CAMKMT: variants seen among roughly 807,000 people sequenced by gnomAD.
The protein encoded by CAMKMT is CaM KMT.
A neutral mutation model predicts 48.0 loss-of-function variants in CAMKMT; 53 were observed. That is an observed-to-expected ratio of 1.10 (90% confidence interval 0.89 to 1.39). The LOEUF (loss-of-function observed/expected upper bound fraction) is 1.39, where lower values mean the gene tolerates loss of function less well. Ranked by LOEUF, CAMKMT falls within the 40% of genes most tolerant of loss-of-function variation. The pLI is 0.00. For missense variants in CAMKMT, 428 were observed against 402.7 expected, an observed-to-expected ratio of 1.06 and a Z score of -0.54; for synonymous variants, 165 against 152.3, an observed-to-expected ratio of 1.08 and a Z score of -0.61.
At chr2:44,639,604 T>G (rs1673333852) in intron 3 of CAMKMT, among the ~76,000 whole-genome samples, 1 of 152,224 alleles carries the variant, frequency 6.6e-6, no homozygotes, top group Admixed American at 6.5e-5. Context: ...GGGAAAGCAC[T>G]ATACAAGTGT....
intron 3 of CAMKMT, chr2:44,394,993 TA>T (rs111573063): frequency 2.9e-5 from 13 of 444,334 alleles, no homozygotes; most frequent in Admixed American, 5.0e-5. Flanking sequence ...ACTTTTCCTG[TA>T]AAAAAAAGAC....
chr2:44,515,857 C>A (rs1390058062), intron 3 of CAMKMT, among the ~76,000 whole-genome samples: 1 of 152,036 alleles, frequency 6.6e-6, no homozygotes, highest in Non-Finnish European at 1.5e-5. Flanking sequence ...GTTTTTAGGC[C>A]CTTTACCTAT....
intron 3 of CAMKMT, chr2:44,392,176 G>A (rs1017067821): frequency 6.6e-6 from 1 of 151,826 alleles, no homozygotes; most frequent in African/African-American, 2.4e-5. Flanking sequence ...GAACTAACAG[G>A]GCAGAAAAAT....
At chr2:44,433,545 C>T (rs1167421461) in intron 3 of CAMKMT, among the ~76,000 whole-genome samples, 1 of 152,016 alleles carries the variant, frequency 6.6e-6, no homozygotes, top group East Asian at 1.9e-4. Flanking sequence ...ATTTGTAACA[C>T]TTTTTGCTTA....
At chr2:44,529,084 T>A (rs927686718) in intron 3 of CAMKMT, among the ~76,000 whole-genome samples, 1 of 152,202 alleles carries the variant, frequency 6.6e-6, no homozygotes, top group Admixed American at 6.5e-5. Flanking sequence ...ATAGTTTGTA[T>A]AGAAAAGGCA....
At chr2:44,364,619 A>C (rs1237083122) in intron 1 of CAMKMT, among the ~76,000 whole-genome samples, 1 of 152,204 alleles carries the variant, frequency 6.6e-6, no homozygotes, top group African/African-American at 2.4e-5. Flanking sequence ...GACAGTCTTT[A>C]AGTGGCGCAT....
chr2:44,590,407 G>A (rs1309675940), intron 3 of CAMKMT, among the ~76,000 whole-genome samples: 1 of 152,142 alleles, frequency 6.6e-6, no homozygotes, highest in Admixed American at 6.5e-5. Flanking sequence ...TTGTGGGAAA[G>A]TTTTTAAACT....
intron 3 of CAMKMT, among the ~76,000 whole-genome samples, chr2:44,404,862 G>C (rs1324094938): frequency 6.6e-6 from 1 of 151,996 alleles, no homozygotes; most frequent in Non-Finnish European, 1.5e-5. Context: ...TGAATATTAA[G>C]AGTGTCTTTT....
chr2:44,512,407 C>T (rs1558667574), intron 3 of CAMKMT, among the ~76,000 whole-genome samples: 1 of 152,178 alleles, frequency 6.6e-6, no homozygotes, highest in Admixed American at 6.5e-5. Flanking sequence ...AAATGAGTGG[C>T]AGCCATTATT....
At chr2:44,538,547 TCA>T (rs1432351453) in intron 3 of CAMKMT, among the ~76,000 whole-genome samples, 1 of 152,136 alleles carries the variant, frequency 6.6e-6, no homozygotes, top group Non-Finnish European at 1.5e-5. Context: ...TGGTTTATTC[TCA>T]CTTATAAGTG....
At chr2:44,432,557 G>A (rs865972230) in intron 3 of CAMKMT, among the ~76,000 whole-genome samples, 3 of 152,174 alleles carry the variant, frequency 2.0e-5, no homozygotes, top group East Asian at 3.8e-4. Flanking sequence ...AAGGAGCCAC[G>A]AAGTAATTAC....
chr2:44,401,070 G>A (rs1422446752), intron 3 of CAMKMT: 1 of 151,538 alleles, frequency 6.6e-6, no homozygotes, highest in Non-Finnish European at 1.5e-5. Context: ...TTCCTATTAT[G>A]TGCTGTCCTG....
chr2:44,433,451 G>T (rs980710895), intron 3 of CAMKMT, among the ~76,000 whole-genome samples: 3 of 151,822 alleles, frequency 2.0e-5, no homozygotes, highest in African/African-American at 7.3e-5. Context: ...TGATCTTAGG[G>T]TTTTCATAAG....
chr2:44,554,292 A>T (rs1444519929), intron 3 of CAMKMT, among the ~76,000 whole-genome samples: 9 of 152,230 alleles, frequency 5.9e-5, no homozygotes, highest in African/African-American at 2.2e-4. Flanking sequence ...TATGCACTGG[A>T]TGGTGTGTGA....
chr2:44,456,610 A>T, intron 3 of CAMKMT: 4 of 1,548,958 alleles, frequency 2.6e-6, no homozygotes, highest in Non-Finnish European at 3.5e-6. Flanking sequence ...CATCAGTAGT[A>T]ACTCTTCCTT....
intron 3 of CAMKMT, among the ~76,000 whole-genome samples, chr2:44,599,672 A>C (rs754041877): frequency 6.6e-6 from 1 of 152,060 alleles, no homozygotes; most frequent in African/African-American, 2.4e-5. Flanking sequence ...TAAGAGTCTC[A>C]GAAATGGGAA....
chr2:44,397,342 A>G (rs1215964960), intron 3 of CAMKMT, among the ~76,000 whole-genome samples: 2 of 152,238 alleles, frequency 1.3e-5, no homozygotes, highest in Admixed American at 6.5e-5. Context: ...GTTAGAACGC[A>G]TGGGTAATGA....
intron 10 of CAMKMT, among the ~76,000 whole-genome samples, chr2:44,771,302 T>A (rs1681099651): frequency 6.6e-6 from 1 of 152,250 alleles, no homozygotes; most frequent in Admixed American, 6.5e-5. Context: ...TAATTTTGTC[T>A]TTATAAATAG....
Position 44,630,548 on chromosome 2 carries a change from A to G in CAMKMT, c.377-73735A>G, listed in dbSNP as rs1198419018. Among the ~76,000 whole-genome samples, 30 of 151,580 alleles carry G rather than the reference A, an allele frequency of 2.0e-4. No individual in the cohort carries two copies. In the South Asian group the frequency reaches 2.3e-3, roughly 12 times the overall value. On this transcript the variant is annotated intron_variant, in intron 3 of 10. Coordinates refer to ENST00000378494, the MANE Select transcript of CAMKMT (RefSeq NM_024766.5). ...CTACAATGAACTCAAACAAATTTAC[A>G]AGGAAAAAACAAACAACCCCATCAA...
Sources: gnomAD v4.1 joint callset for allele counts (sites outside exome capture counted in the v4.1 genomes callset) on GRCh38, gnomAD v4.1.1 for gene constraint, MANE v1.5 for transcripts, NCBI Gene and HGNC (gene_info 2026-07-23, HGNC 2026-07-21) for gene names.